Variants in TDRD12 observed in about 807,000 individuals in gnomAD.
The protein encoded by TDRD12 is tudor domain containing 12.
A neutral mutation model predicts 133.5 loss-of-function variants in TDRD12; 158 were observed. The observed-to-expected ratio is 1.18, with a 90% CI of 1.04 to 1.35. TDRD12 has a LOEUF of 1.35. Among genes scored for constraint, TDRD12 ranks in the 40% most tolerant of loss-of-function variants. TDRD12 has a pLI of 0.00. For missense variants in TDRD12, 1,443 were observed against 1,321.3 expected, an observed-to-expected ratio of 1.09 and a Z score of -1.43; for synonymous variants, 460 against 477.9, an observed-to-expected ratio of 0.96 and a Z score of 0.49.
exon 17 of TDRD12, chr19:32,800,207 T>A (rs889495231): frequency 2.0e-6 from 3 of 1,522,956 alleles, no homozygotes; most frequent in Non-Finnish European, 2.6e-6. Context: ...AATATTGAAG[T>A]TGAAGAAAGG....
At chr19:32,755,658 C>T (rs1391213144) in intron 6 of TDRD12, among the ~76,000 whole-genome samples, 1 of 152,242 alleles carries the variant, frequency 6.6e-6, no homozygotes, top group African/African-American at 2.4e-5. Flanking sequence ...AAATTTTGAG[C>T]AAATCCAATG....
chr19:32,731,320 C>T (rs1000227420), intron 1 of TDRD12, among the ~76,000 whole-genome samples: 3 of 151,858 alleles, frequency 2.0e-5, no homozygotes, highest in Admixed American at 6.6e-5. Flanking sequence ...TTAGGGAGGC[C>T]GAAGTGGGAA....
intron 8 of TDRD12, among the ~76,000 whole-genome samples, chr19:32,764,029 C>T (rs1371441324): frequency 6.7e-6 from 1 of 149,136 alleles, no homozygotes; most frequent in Non-Finnish European, 1.5e-5. Flanking sequence ...GGAAATTACA[C>T]TAAATTTTAA....
chr19:32,722,012 G>A (rs998343463), intron 1 of TDRD12, among the ~76,000 whole-genome samples: 28 of 152,108 alleles, frequency 1.8e-4, no homozygotes, highest in African/African-American at 5.5e-4. Context: ...CACCACGCCC[G>A]GCCGGTGCGA....
At chr19:32,766,990 A>G (rs1970316223) in intron 8 of TDRD12, among the ~76,000 whole-genome samples, 1 of 151,974 alleles carries the variant, frequency 6.6e-6, no homozygotes, top group South Asian at 2.1e-4. Flanking sequence ...CTCATAGTCT[A>G]CCTTCAAGCA....
Position 32,740,716 on chromosome 19 carries a change from T to C in TDRD12, c.320+1724T>C, listed in dbSNP as rs189607849. 3.2e-4 allele frequency among the ~76,000 whole-genome samples: 49 copies of C among 152,300 alleles called. 1 individual carries two copies. The East Asian group carries it at 8.9e-3, about 28-fold the overall frequency. ...TCCAGGAGGTAGAGAGAAACGCCTC[T>C]CTCCACAGAAGGGGGGTTGCTGGCA... On this transcript the variant is annotated intron_variant, in intron 3 of 27. Transcript: ENST00000444215.
At chr19:32,722,263 A>T (rs757135196) in intron 1 of TDRD12, among the ~76,000 whole-genome samples, 16 of 152,178 alleles carry the variant, frequency 1.1e-4, no homozygotes, top group Non-Finnish European at 1.8e-4. Flanking sequence ...ACATCCTGAA[A>T]CATGCACAAC....
chr19:32,810,789 G>A (rs1359278124), intron 23 of TDRD12, among the ~76,000 whole-genome samples: 2 of 152,176 alleles, frequency 1.3e-5, no homozygotes, highest in Non-Finnish European at 2.9e-5. Flanking sequence ...CACTTTGGGA[G>A]GCTGAGGTGA....
At chr19:32,723,404 C>T (rs562344876) in intron 1 of TDRD12, among the ~76,000 whole-genome samples, 238 of 152,076 alleles carry the variant, frequency 1.6e-3, no homozygotes, top group Non-Finnish European at 2.3e-3. Flanking sequence ...GTGCCCGCCA[C>T]CATGCCCGGC....
chr19:32,731,854 AT>A lies in TDRD12; in HGVS notation c.155del (p.Ile52LysfsTer4). 1 of 1,548,736 alleles carries A rather than the reference AT, an allele frequency of 6.5e-7. No individual in the cohort carries two copies. Among genetic ancestry groups the A allele is most frequent in the Non-Finnish European group, 8.7e-7 (1 of 1,146,308 alleles). On this transcript the variant is annotated frameshift_variant, in exon 2 of 28. Coordinates refer to ENST00000444215, the Ensembl canonical transcript of TDRD12. LOFTEE classifies it high-confidence loss of function. ...CAACAGCACGTGTCAAGATATAGAA[AT>A]AAAACCCTTAACATTGGAAGAAGGA... is the stretch of plus-strand genomic sequence containing the variant.
chr19:32,742,280 C>T (rs545798181), intron 3 of TDRD12, among the ~76,000 whole-genome samples: 229 of 152,186 alleles, frequency 1.5e-3, no homozygotes, highest in African/African-American at 5.3e-3. Flanking sequence ...CCTCAGCCTC[C>T]TGAGTAGCTG....
intron 18 of TDRD12, among the ~76,000 whole-genome samples, chr19:32,801,333 G>A (rs1177479286): frequency 6.6e-6 from 1 of 152,064 alleles, no homozygotes; most frequent in African/African-American, 2.4e-5. Flanking sequence ...GTGCTAAAAC[G>A]TAGAAATGAA....
intron 8 of TDRD12, among the ~76,000 whole-genome samples, chr19:32,757,602 G>A (rs1970033277): frequency 6.6e-6 from 1 of 152,182 alleles, no homozygotes; most frequent in Non-Finnish European, 1.5e-5. Context: ...CTCTGTGGTG[G>A]TTCCTCCACC....
intron 4 of TDRD12, among the ~76,000 whole-genome samples, chr19:32,746,973 T>C (rs1258429810): frequency 1.1e-4 from 16 of 144,184 alleles, no homozygotes; most frequent in Non-Finnish European, 2.2e-4. Flanking sequence ...GCTGAGGTGG[T>C]TATTCTGTGA....
intron 8 of TDRD12, among the ~76,000 whole-genome samples, chr19:32,758,030 G>A (rs186184345): frequency 6.6e-6 from 1 of 152,254 alleles, no homozygotes; most frequent in East Asian, 1.9e-4. Flanking sequence ...TCCCCGACCT[G>A]GGCCTCACTC....
Position 32,813,284 on chromosome 19 carries a change from G to A in TDRD12, c.3049-400G>A, listed in dbSNP as rs145927050. 2.8e-3 allele frequency among the ~76,000 whole-genome samples: 433 copies of A among 152,350 alleles called. 2 individuals carry two copies. The highest frequency in any genetic ancestry group is 9.6e-3 in the African/African-American group (399 of 41,578). On this transcript the variant is annotated intron_variant, in intron 24 of 27. Transcript: ENST00000444215. ...TGCAAGGCAGCTCCATTGCAGTGAC[G>A]GCCTTGGAGCAGGAGGAACAACTTT... is the stretch of plus-strand genomic sequence containing the variant.
rs533667942 is a variant in TDRD12, at chr19:32,765,892, A to T, written c.866-6861A>T. On this transcript the variant is annotated intron_variant, in intron 8 of 27. Coordinates refer to ENST00000444215, the Ensembl canonical transcript of TDRD12. ...TACCCTAAAACTTAAAGTATAATTT[A>T]AAAAAAAAAAACAGAGCAGCTGAAA... 4.9e-5 allele frequency among the ~76,000 whole-genome samples: 7 copies of T among 143,678 alleles called. No homozygotes were observed. In the South Asian group the frequency reaches 6.6e-4, roughly 13 times the overall value. 94.3% of individuals were successfully genotyped at this position (143,678 alleles called of 152,430 possible). A position where few individuals can be genotyped will look rare whatever the true frequency, so the allele number is the denominator to read the frequency against.
At chr19:32,805,098 G>A (rs889991952) in intron 21 of TDRD12, among the ~76,000 whole-genome samples, 1 of 150,850 alleles carries the variant, frequency 6.6e-6, no homozygotes, top group Non-Finnish European at 1.5e-5. Flanking sequence ...AGGAGTTCAA[G>A]ACCAGCCTGG....
chr19:32,799,550 G>A (rs1187485914), intron 16 of TDRD12, among the ~76,000 whole-genome samples: 3 of 151,934 alleles, frequency 2.0e-5, no homozygotes, highest in Admixed American at 1.3e-4. Flanking sequence ...ATTTTCTGTT[G>A]GTAGGATCAT....
Sources: allele counts gnomAD v4.1 joint callset (sites outside exome capture counted in the v4.1 genomes callset), GRCh38; gene constraint gnomAD v4.1.1; transcripts MANE v1.5; gene names NCBI Gene and HGNC (gene_info 2026-07-23, HGNC 2026-07-21).